Variants in ZC3HAV1 observed in about 807,000 individuals in gnomAD.
ZC3HAV1 encodes zinc finger CCCH-type containing, antiviral 1.
A neutral mutation model predicts 86.6 loss-of-function variants in ZC3HAV1; 41 were observed. That is an observed-to-expected ratio of 0.47 (90% CI 0.37 to 0.61). The LOEUF (loss-of-function observed/expected upper bound fraction) is 0.61, where lower values mean the gene tolerates loss of function less well. ZC3HAV1 is among the 20% of genes least tolerant of loss of function. ZC3HAV1 has a pLI of 0.00. For missense variants in ZC3HAV1, 964 were observed against 1,141.1 expected, an observed-to-expected ratio of 0.84 and a Z score of 2.24; for synonymous variants, 421 against 432.1, an observed-to-expected ratio of 0.97 and a Z score of 0.32.
In ZC3HAV1 at chr7:139,061,497, C is replaced by T. The variant is rs577104521; in HGVS notation, c.1994-359G>A. 7.9e-4 allele frequency among the ~76,000 whole-genome samples: 120 copies of T among 152,344 alleles called. 5 individuals are homozygous for T. The South Asian group carries it at 0.024, about 31-fold the overall frequency. ...TTACGGGTTGGAATCTGGTAGCTGTCTTGAAGGGTTCTTTTCTACATCAAG... is the reference window on the plus strand; with the variant it reads ...TTACGGGTTGGAATCTGGTAGCTGTTTTGAAGGGTTCTTTTCTACATCAAG... On this transcript the variant is annotated intron_variant, in intron 8 of 12. Coordinates refer to ENST00000242351, the MANE Select transcript of ZC3HAV1 (RefSeq NM_020119.4).
intron 3 of ZC3HAV1, among the ~76,000 whole-genome samples, chr7:139,082,934 C>T (rs1392360167): frequency 6.6e-6 from 1 of 151,714 alleles, no homozygotes; most frequent in Non-Finnish European, 1.5e-5. Context: ...AGTTTTGCAT[C>T]AATAATAAAT....
At chr7:139,053,321 G>T in intron 12 of ZC3HAV1, 130 bp downstream of exon 12, 1 of 1,117,958 alleles carries the variant, frequency 8.9e-7, no homozygotes, top group Non-Finnish European at 1.2e-6. Flanking sequence ...TGAGCTTACT[G>T]TCTCTCCAGG....
At chr7:139,059,475 A>G (rs1460133960) in intron 9 of ZC3HAV1, among the ~76,000 whole-genome samples, 3 of 151,858 alleles carry the variant, frequency 2.0e-5, no homozygotes, top group Non-Finnish European at 4.4e-5. Flanking sequence ...AAATTAGCTG[A>G]GCATAGTGCC....
At chr7:139,097,424 A>ATTTTTTTTTTTTTT (rs1278585081) in intron 1 of ZC3HAV1, among the ~76,000 whole-genome samples, 7 of 81,182 alleles carry the variant, frequency 8.6e-5, no homozygotes, top group African/African-American at 3.6e-4. Flanking sequence ...ATATATATAT[A>ATTTTTTTTTTTTTT]TATATTTTTT....
Position 139,076,309 on chromosome 7 carries a change from G to A in ZC3HAV1, c.1674C>T (p.Gly558=), listed in dbSNP as rs1156715663. Residue 558 remains glycine (G), a synonymous_variant, in exon 6 of 13, where the codon GGC becomes GGT. Transcript: ENST00000242351. ...DFEHMETIEK[G]YCNPGIHLCS... is the part of the protein sequence containing the mutation. ...ACAGGTGGATTCCGGGGTTACAGTA[G>A]CCTTTCTCGATCGTCTCCATGTGCT... 1 of 1,614,182 alleles carries A rather than the reference G, an allele frequency of 6.2e-7. No homozygotes were observed. The highest frequency in any genetic ancestry group is 1.1e-5 in the South Asian group (1 of 91,076).
intron 9 of ZC3HAV1, among the ~76,000 whole-genome samples, chr7:139,056,487 C>T (rs568889296): frequency 2.7e-5 from 4 of 149,534 alleles, no homozygotes; most frequent in African/African-American, 9.8e-5. Context: ...ACAGCTCAAC[C>T]TCCTGGGCTC....
intron 6 of ZC3HAV1, among the ~76,000 whole-genome samples, chr7:139,074,715 A>G (rs888801935): frequency 2.0e-5 from 3 of 151,882 alleles, no homozygotes; most frequent in Admixed American, 6.6e-5. Context: ...CTGGGTATGT[A>G]TATTAAATGG....
At chr7:139,072,859 A>G (rs78995713) in intron 7 of ZC3HAV1, among the ~76,000 whole-genome samples, 1,663 of 152,056 alleles carry the variant, frequency 0.011, 29 homozygotes, top group African/African-American at 0.038. Flanking sequence ...TCTCACTCTC[A>G]CCCTCTTTTC....
chr7:139,052,920 CAAA>C (rs58092347), intron 12 of ZC3HAV1, among the ~76,000 whole-genome samples: 4 of 120,686 alleles, frequency 3.3e-5, no homozygotes, highest in African/African-American at 8.5e-5. Flanking sequence ...GACCCTGTCT[CAAA>C]AAAAAAAAAA....
rs1046061390 is a variant in ZC3HAV1 at position 139,046,357 on chromosome 7, C to T, written c.*1237G>A. 5.9e-5 allele frequency: 9 copies of T among 152,160 alleles called. No homozygotes were observed. The highest frequency in any genetic ancestry group is 2.2e-4 in the African/African-American group (9 of 41,436). 9.4% of individuals were successfully genotyped at this position (152,160 alleles called of 1,614,324 possible). On this transcript the variant is annotated 3_prime_UTR_variant, in exon 13 of 13. Coordinates refer to ENST00000242351, the MANE Select transcript of ZC3HAV1 (RefSeq NM_020119.4). ...GCCCTGCTCCTAGGTTCTTGGCTCA[C>T]TTGCCAAGACTACAATAGCACTCGC... is the stretch of plus-strand genomic sequence containing the variant.
At chr7:139,068,474 T>C (rs1381703868) in intron 7 of ZC3HAV1, among the ~76,000 whole-genome samples, 1 of 152,252 alleles carries the variant, frequency 6.6e-6, no homozygotes, top group Non-Finnish European at 1.5e-5. Flanking sequence ...AAATAGTCAA[T>C]ATGCCAGAGT....
Position 139,083,783 on chromosome 7 carries a change from T to G in ZC3HAV1, c.694A>C (p.Arg232=). 1 of 1,607,222 alleles carries G rather than the reference T, an allele frequency of 6.2e-7. No individual in the cohort carries two copies. Among genetic ancestry groups the G allele is most frequent in the East Asian group, 2.2e-5 (1 of 44,658 alleles). The change falls in exon 3 of 13, where the codon AGA becomes CGA. Residue 232 remains arginine (R), a synonymous_variant. Transcript: ENST00000242351. The part of the protein sequence containing the change: ...KHMQKNPPGP[R]APSSHRRNMA... The stretch of plus-strand genomic sequence containing the variant: ...TTGAAAAAGAAAAGGCCTTTACCTC[T>G]GGGCCCTGGGGGATTCTTCTGCATG...
At chr7:139,068,239 T>C (rs1352576426) in intron 7 of ZC3HAV1, among the ~76,000 whole-genome samples, 2 of 152,024 alleles carry the variant, frequency 1.3e-5, no homozygotes, top group East Asian at 1.9e-4. Context: ...CTTGTATTTT[T>C]AGTAGAGACG....
At chr7:139,097,553 G>A (rs1241922846) in intron 1 of ZC3HAV1, among the ~76,000 whole-genome samples, 1 of 149,664 alleles carries the variant, frequency 6.7e-6, no homozygotes, top group Non-Finnish European at 1.5e-5. Context: ...TCCTGCCTCA[G>A]CCTCCCGAGT....
chr7:139,081,468 A>G, intron 3 of ZC3HAV1, among the ~76,000 whole-genome samples: 1 of 152,218 alleles, frequency 6.6e-6, no homozygotes, highest in South Asian at 2.1e-4. Flanking sequence ...TTACATTGAG[A>G]AGCTACCACC....
At chr7:139,053,934 T>C in intron 11 of ZC3HAV1, 31 bp downstream of exon 11, 1 of 1,591,768 alleles carries the variant, frequency 6.3e-7, no homozygotes. Context: ...TCCGGTTTTA[T>C]GTAAAGAAAC....
At chr7:139,086,913 C>T (rs1275044047) in intron 2 of ZC3HAV1, among the ~76,000 whole-genome samples, 1 of 152,154 alleles carries the variant, frequency 6.6e-6, no homozygotes, top group Non-Finnish European at 1.5e-5. Context: ...AACTGTAAGC[C>T]AATTAAACCT....
chr7:139,071,571 G>A (rs1171457210), intron 7 of ZC3HAV1, among the ~76,000 whole-genome samples: 2 of 152,082 alleles, frequency 1.3e-5, no homozygotes, highest in Non-Finnish European at 2.9e-5. Flanking sequence ...TTCCACAGGC[G>A]CCTGACAGAA....
chr7:139,089,577 A>T, intron 2 of ZC3HAV1, 47 bp downstream of exon 2: 1 of 1,541,164 alleles, frequency 6.5e-7, no homozygotes, highest in Non-Finnish European at 8.7e-7. Flanking sequence ...GTGACACAAT[A>T]CTGCCAGTAA....
Sources: allele counts gnomAD v4.1 joint callset (sites outside exome capture counted in the v4.1 genomes callset), GRCh38; gene constraint gnomAD v4.1.1; transcripts MANE v1.5; gene names NCBI Gene and HGNC (gene_info 2026-07-23, HGNC 2026-07-21).